Variants in NAA11 observed in about 807,000 individuals in gnomAD.
NAA11 encodes the protein N-alpha-acetyltransferase 11.
Under a neutral mutation model 16.1 loss-of-function variants are expected in NAA11, and 15 were observed. The ratio of observed to expected loss-of-function variants is 0.93; its 90% confidence interval spans 0.62 to 1.44. The LOEUF (loss-of-function observed/expected upper bound fraction) is 1.44. NAA11 is among the 40% of genes most tolerant of loss of function. The probability of loss-of-function intolerance (pLI) is 0.00; values close to 1 mark genes in which losing one functional copy is unlikely to be tolerated. For missense variants in NAA11, 298 were observed against 291.3 expected (o/e 1.02, Z -0.17); for synonymous variants, 122 against 112.4 (o/e 1.09, Z -0.54).
chr4:79,300,859 G>C (rs1332149618), intron 1 of NAA11, among the ~76,000 whole-genome samples: 1 of 152,108 alleles, frequency 6.6e-6, no homozygotes, highest in African/African-American at 2.4e-5. Flanking sequence ...TTTTAAGAAG[G>C]TTGTAATAGC....
chr4:79,275,307 G>T (rs1722623310), intron 2 of NAA11, among the ~76,000 whole-genome samples: 1 of 152,038 alleles, frequency 6.6e-6, no homozygotes, highest in Non-Finnish European at 1.5e-5. Flanking sequence ...GAATACAGTT[G>T]TCATGGTATA....
chr4:79,182,281 T>A, the NAA11 span, among the ~76,000 whole-genome samples: 1 of 152,230 alleles, frequency 6.6e-6, no homozygotes, highest in Non-Finnish European at 1.5e-5. Flanking sequence ...GTCTGTTGTG[T>A]ATTCATGGCA....
At chr4:79,247,475 T>C (rs1377808634) in intron 2 of NAA11, among the ~76,000 whole-genome samples, 1 of 152,060 alleles carries the variant, frequency 6.6e-6, no homozygotes, top group Non-Finnish European at 1.5e-5. Flanking sequence ...TGAGACACAA[T>C]AACAGTTTTT....
chr4:79,243,341 A>G (rs1487620046), intron 2 of NAA11, among the ~76,000 whole-genome samples: 2 of 152,238 alleles, frequency 1.3e-5, no homozygotes, highest in African/African-American at 4.8e-5. Flanking sequence ...AATTATCTTG[A>G]AAAGATCTTG....
chr4:79,266,373 A>G (rs1456984102), intron 2 of NAA11, among the ~76,000 whole-genome samples: 2 of 152,216 alleles, frequency 1.3e-5, no homozygotes, highest in African/African-American at 2.4e-5. Flanking sequence ...ATCACATAGA[A>G]ACATCCAACA....
At chr4:79,274,963 A>C (rs192588907) in intron 2 of NAA11, among the ~76,000 whole-genome samples, 19 of 152,154 alleles carry the variant, frequency 1.2e-4, no homozygotes, top group Non-Finnish European at 2.4e-4. Context: ...CTAGTTTCCC[A>C]AAGACTGGAA....
intron 2 of NAA11, among the ~76,000 whole-genome samples, chr4:79,235,366 G>T (rs746018664): frequency 7.2e-5 from 11 of 152,060 alleles, no homozygotes; most frequent in Non-Finnish European, 1.5e-4. Flanking sequence ...AGGACCCCAA[G>T]TGTGAACGAA....
intron 2 of NAA11, among the ~76,000 whole-genome samples, chr4:79,285,041 T>A (rs182719623): frequency 5.6e-4 from 85 of 152,166 alleles, no homozygotes; most frequent in Non-Finnish European, 9.9e-4. Context: ...CAATCAGATA[T>A]TACACTGTAG....
At chr4:79,197,400 C>T in the NAA11 span, 1 of 151,844 alleles carries the variant, frequency 6.6e-6, no homozygotes, top group Non-Finnish European at 1.5e-5. Context: ...TTCAGTCTTC[C>T]CTGCATCTAT....
chr4:79,233,037 A>C (rs1721500405), intron 2 of NAA11, among the ~76,000 whole-genome samples: 1 of 152,026 alleles, frequency 6.6e-6, no homozygotes, highest in Admixed American at 6.6e-5. Flanking sequence ...ATATATAATA[A>C]GTACCTAGTA....
At chr4:79,202,856 T>C in the NAA11 span, among the ~76,000 whole-genome samples, 1 of 150,988 alleles carries the variant, frequency 6.6e-6, no homozygotes, top group Non-Finnish European at 1.5e-5. Flanking sequence ...CTCTTTAATG[T>C]AGTCTTCTTA....
the NAA11 span, among the ~76,000 whole-genome samples, chr4:79,159,929 A>G: frequency 6.6e-6 from 1 of 150,828 alleles, no homozygotes; most frequent in East Asian, 1.9e-4. Context: ...GGATATACTA[A>G]CTTTTGTTCA....
intron 2 of NAA11, among the ~76,000 whole-genome samples, chr4:79,266,286 AGCT>A (rs1722343773): frequency 6.6e-6 from 1 of 152,208 alleles, no homozygotes; most frequent in Admixed American, 6.5e-5. Context: ...ACAGAGCAGT[AGCT>A]CTCTTCCTAA....
intron 2 of NAA11, among the ~76,000 whole-genome samples, chr4:79,243,605 T>A (rs150658496): frequency 6.6e-6 from 1 of 152,360 alleles, no homozygotes; most frequent in African/African-American, 2.4e-5. Flanking sequence ...TACTGATGTG[T>A]TAGCAGTTGA....
chr4:79,273,446 C>A (rs1722546987), intron 2 of NAA11, among the ~76,000 whole-genome samples: 2 of 151,976 alleles, frequency 1.3e-5, no homozygotes, highest in South Asian at 4.1e-4. Flanking sequence ...CTGAAGTTGT[C>A]TCCATGGAAA....
intron 2 of NAA11, among the ~76,000 whole-genome samples, chr4:79,236,677 G>T (rs374800055): frequency 6.6e-6 from 1 of 152,072 alleles, no homozygotes; most frequent in Non-Finnish European, 1.5e-5. Flanking sequence ...CTGAATTAAA[G>T]TCTTCAAAGT....
At chr4:79,321,296 G>C (rs1724081856) in intron 1 of NAA11, among the ~76,000 whole-genome samples, 3 of 152,206 alleles carry the variant, frequency 2.0e-5, no homozygotes, top group African/African-American at 7.2e-5. Flanking sequence ...AAACTATGCT[G>C]TGTTGTTGCT....
intron 1 of NAA11, among the ~76,000 whole-genome samples, chr4:79,311,332 T>G (rs114205660): frequency 0.01 from 1,556 of 152,278 alleles, 27 homozygotes; most frequent in African/African-American, 0.036. Flanking sequence ...TAAAAAATAC[T>G]TTTTTTCTTG....
the NAA11 span, among the ~76,000 whole-genome samples, chr4:79,161,169 A>G: frequency 3.4e-4 from 51 of 152,138 alleles, no homozygotes; most frequent in Non-Finnish European, 1.3e-4. Context: ...TCTCAGCATT[A>G]TTTCTTGAAA....
Sources: allele counts gnomAD v4.1 joint callset (sites outside exome capture counted in the v4.1 genomes callset), GRCh38; gene constraint gnomAD v4.1.1; transcripts MANE v1.5; gene names NCBI Gene and HGNC (gene_info 2026-07-23, HGNC 2026-07-21).